PGAP1: variants seen among roughly 807,000 people sequenced by gnomAD.
The protein encoded by PGAP1 is post-GPI attachment to proteins inositol deacylase 1.
PGAP1 carries 76 observed loss-of-function variants against 127.0 expected under a neutral mutation model. That is an observed-to-expected ratio of 0.60 (90% confidence interval 0.50 to 0.72). The LOEUF (loss-of-function observed/expected upper bound fraction) is 0.72, where lower values mean the gene tolerates loss of function less well. Among genes scored for constraint, PGAP1 ranks in the 30% least tolerant of loss-of-function variants. PGAP1 has a pLI of 0.00. For missense variants in PGAP1, 982 were observed against 1,071.3 expected, an observed-to-expected ratio of 0.92 and a Z score of 1.16; for synonymous variants, 362 against 366.5, an observed-to-expected ratio of 0.99 and a Z score of 0.14.
chr2:196,916,415 C>T lies in PGAP1; in HGVS notation c.477+3G>A. 1.3e-6 allele frequency: 2 copies of T among 1,593,646 alleles called. No individual in the cohort carries two copies. Among genetic ancestry groups the T allele is most frequent in the Non-Finnish European group, 1.7e-6 (2 of 1,171,306 alleles). On this transcript the variant is annotated splice_donor_region_variant and intron_variant, in intron 3 of 26. Transcript: ENST00000354764. Reference sequence around the variant, plus strand: ...ACTATTGATTTGCATACTTATCTCTCACCTTATAGAGTTTGAGAATTGTTT... The same window carrying T: ...ACTATTGATTTGCATACTTATCTCTTACCTTATAGAGTTTGAGAATTGTTT...
intron 22 of PGAP1, among the ~76,000 whole-genome samples, 168 bp from the exon 23 acceptor site, chr2:196,846,185 G>A (rs1700551090): frequency 6.6e-6 from 1 of 152,046 alleles, no homozygotes; most frequent in Non-Finnish European, 1.5e-5. Context: ...CCAAATATTT[G>A]ATTTTAAGTT....
At chr2:196,885,187 T>C (rs912160647) in intron 12 of PGAP1, among the ~76,000 whole-genome samples, 6 of 152,206 alleles carry the variant, frequency 3.9e-5, no homozygotes, top group Admixed American at 3.9e-4. Flanking sequence ...TACAGAGATT[T>C]AGAGGACTGT....
At position 196,885,513 on chromosome 2, in the gene PGAP1, T is replaced by C. The variant is rs1701870039; in HGVS notation, c.1221-38A>G. On this transcript the variant is annotated intron_variant, in intron 11 of 26. Transcript: ENST00000354764. The stretch of plus-strand genomic sequence containing the variant: ...TATGAAAATATAATTAAAGGACAAA[T>C]ATATGGAAGTATTACAAATTATAAA... 4 of 1,331,192 alleles carry C rather than the reference T, an allele frequency of 3.0e-6. 1 individual carries two copies. Among genetic ancestry groups the C allele is most frequent in the African/African-American group, 1.5e-5 (1 of 68,040 alleles). 82.5% of individuals were successfully genotyped at this position (1,331,192 alleles called of 1,614,324 possible). A position where few individuals can be genotyped will look rare whatever the true frequency, so the allele number is the denominator to read the frequency against.
At chr2:196,853,910 ATTTTTT>A (rs59361073) in intron 20 of PGAP1, among the ~76,000 whole-genome samples, 1 of 130,436 alleles carries the variant, frequency 7.7e-6, no homozygotes. Context: ...CCAAAGATGA[ATTTTTT>A]TTTTTTTTTT....
chr2:196,897,261 T>C (rs1702312235), intron 6 of PGAP1, 64 bp from the exon 7 acceptor site: 2 of 991,748 alleles, frequency 2.0e-6, no homozygotes, highest in Non-Finnish European at 3.0e-6. Context: ...GATCAAAATA[T>C]GCACAATTCT....
intron 1 of PGAP1, among the ~76,000 whole-genome samples, chr2:196,920,781 T>C (rs923299213): frequency 1.3e-5 from 2 of 152,136 alleles, no homozygotes; most frequent in Non-Finnish European, 2.9e-5. Flanking sequence ...TTAGTATCTA[T>C]TTCAGTTTTC....
rs529837244 is a variant in PGAP1, at chr2:196,899,957, G to A, written c.808-1588C>T. On this transcript the variant is annotated intron_variant, in intron 5 of 26. Coordinates refer to ENST00000354764, the MANE Select transcript of PGAP1 (RefSeq NM_024989.4). Reference sequence around the variant, plus strand: ...GGAGGCTGAGGCAGAAGAATCGCTTGAACCCTGGAGGCAGAGGTTGCAGTG... The same window carrying A: ...GGAGGCTGAGGCAGAAGAATCGCTTAAACCCTGGAGGCAGAGGTTGCAGTG... Among the ~76,000 whole-genome samples the A allele has an allele frequency of 2.2e-4, 33 of 152,338 alleles. No homozygotes were observed. In the South Asian group the frequency reaches 6.8e-3, roughly 32 times the overall value.
chr2:196,886,291 G>A (rs547543357), intron 10 of PGAP1, among the ~76,000 whole-genome samples: 65 of 150,728 alleles, frequency 4.3e-4, no homozygotes, highest in African/African-American at 1.5e-3. Context: ...CTCCCAAGTA[G>A]CTGGGATTAC....
In PGAP1 at chr2:196,889,642, G is replaced by A. The variant is rs535341862; in HGVS notation, c.1173+1186C>T. 5.9e-5 allele frequency among the ~76,000 whole-genome samples: 9 copies of A among 151,980 alleles called. No individual in the cohort carries two copies. The South Asian group carries it at 1.9e-3, about 32-fold the overall frequency. ...GAGGCCGAGGCGGGCGGATCACGAG[G>A]TCAGGAGATCGAGACCATCCTGGCT... On this transcript the variant is annotated intron_variant, in intron 10 of 26. Coordinates refer to ENST00000354764, the MANE Select transcript of PGAP1 (RefSeq NM_024989.4).
intron 8 of PGAP1, 54 bp from the exon 9 acceptor site, chr2:196,892,455 GTTTC>G: frequency 1.3e-6 from 1 of 761,332 alleles, no homozygotes; most frequent in Non-Finnish European, 2.2e-6. Flanking sequence ...ATACTACATA[GTTTC>G]TTTCTTCTTT....
intron 5 of PGAP1, 25 bp from the exon 6 acceptor site, chr2:196,898,394 T>C: frequency 6.4e-7 from 1 of 1,554,432 alleles, no homozygotes; most frequent in Non-Finnish European, 8.8e-7. Flanking sequence ...AAAAATAAAC[T>C]TACGAAAAGC....
intron 5 of PGAP1, among the ~76,000 whole-genome samples, chr2:196,898,927 A>G (rs1207488301): frequency 1.8e-5 from 2 of 110,968 alleles, no homozygotes; most frequent in Non-Finnish European, 4.2e-5. Flanking sequence ...ATATATTTTG[A>G]AAAAAAAAAA....
intron 16 of PGAP1, 149 bp downstream of exon 16, chr2:196,873,379 T>G: frequency 1.6e-6 from 1 of 629,584 alleles, no homozygotes; most frequent in Non-Finnish European, 2.8e-6. Flanking sequence ...TTAAATCCCC[T>G]GGAAATATAA....
intron 20 of PGAP1, among the ~76,000 whole-genome samples, chr2:196,850,337 G>A (rs1047677299): frequency 6.6e-6 from 1 of 152,166 alleles, no homozygotes; most frequent in Non-Finnish European, 1.5e-5. Flanking sequence ...CACAGTTGAT[G>A]CAGCTCAAAT....
chr2:196,858,220 T>C (rs1489087937), intron 20 of PGAP1, among the ~76,000 whole-genome samples: 1 of 151,550 alleles, frequency 6.6e-6, no homozygotes, highest in African/African-American at 2.4e-5. Context: ...GCTAACAAGG[T>C]GAAACCCTGT....
At position 196,902,616 on chromosome 2, in the gene PGAP1, A is replaced by T; in HGVS notation, c.776T>A (p.Leu259Ter). The change falls in exon 5 of 27, where the codon TTA becomes TAA. Residue 259 changes from leucine (L) to a stop codon, truncating the protein, a stop_gained. Transcript: ENST00000354764. LOFTEE classifies it high-confidence loss of function. Reference protein sequence around the residue: ...VRSGLTFLPKLSHHTSALSVV... With the variant: ...VRSGLTFLPK ...AGATAAGGCACTGGTATGATGGCTT[A>T]ATTTTGGTAGAAAAGTCAATCCTGA... is the stretch of plus-strand genomic sequence containing the variant. 1 of 1,613,368 alleles carries T rather than the reference A, an allele frequency of 6.2e-7. No individual in the cohort carries two copies. Among genetic ancestry groups the T allele is most frequent in the Admixed American group, 1.7e-5 (1 of 59,878 alleles).
chr2:196,855,614 T>C (rs1371541846), intron 20 of PGAP1, among the ~76,000 whole-genome samples: 1 of 152,218 alleles, frequency 6.6e-6, no homozygotes, highest in Non-Finnish European at 1.5e-5. Context: ...TTAAAGGTTT[T>C]ATTTTCCAGA....
intron 11 of PGAP1, 131 bp from the exon 12 acceptor site, chr2:196,885,606 T>C (rs1701874322): frequency 2.9e-6 from 2 of 678,876 alleles, no homozygotes; most frequent in Admixed American, 3.2e-5. Flanking sequence ...TAATCCAATA[T>C]ACTCTGTCCA....
intron 20 of PGAP1, among the ~76,000 whole-genome samples, chr2:196,861,995 G>A (rs922245830): frequency 1.3e-5 from 2 of 151,288 alleles, no homozygotes; most frequent in Non-Finnish European, 2.9e-5. Context: ...CAGCATGTGT[G>A]TTTGAACAAT....
Sources: gnomAD v4.1 joint callset for allele counts (sites outside exome capture counted in the v4.1 genomes callset) on GRCh38, gnomAD v4.1.1 for gene constraint, MANE v1.5 for transcripts, NCBI Gene and HGNC (gene_info 2026-07-23, HGNC 2026-07-21) for gene names.